The following CDH13 variants were observed in gnomAD, a reference collection of about 807,000 sequenced individuals.
CDH13 encodes the protein cadherin 13.
A neutral mutation model predicts 63.8 loss-of-function variants in CDH13; 24 were observed. That is an observed-to-expected ratio of 0.38 (90% CI 0.27 to 0.53). The LOEUF (loss-of-function observed/expected upper bound fraction) is 0.53. Ranked by LOEUF, CDH13 falls within the 20% of genes least tolerant of loss-of-function variation. The pLI, the probability that CDH13 is intolerant of heterozygous loss-of-function variation, is 0.85. For missense variants in CDH13, 1,049 were observed against 903.1 expected (o/e 1.16, Z -2.07); for synonymous variants, 503 against 355.3 (o/e 1.42, Z -4.67).
intron 4 of CDH13, among the ~76,000 whole-genome samples, chr16:83,171,214 C>T (rs2037902676): frequency 6.6e-6 from 1 of 151,984 alleles, no homozygotes; most frequent in South Asian, 2.1e-4. Flanking sequence ...CAGAACATGG[C>T]AGAAAAGGGG....
At chr16:82,650,913 G>A (rs932739515) in intron 1 of CDH13, among the ~76,000 whole-genome samples, 1 of 152,230 alleles carries the variant, frequency 6.6e-6, no homozygotes, top group Non-Finnish European at 1.5e-5. Context: ...ACAATAAACA[G>A]GAGAGACAGG....
intron 6 of CDH13, among the ~76,000 whole-genome samples, chr16:83,351,370 C>G (rs1478444059): frequency 6.6e-6 from 1 of 150,648 alleles, no homozygotes; most frequent in Non-Finnish European, 1.5e-5. Flanking sequence ...AATGCAGTCA[C>G]TCTCCAGTGC....
At chr16:83,444,195 AATG>A (rs1040524692) in intron 6 of CDH13, among the ~76,000 whole-genome samples, 2 of 152,026 alleles carry the variant, frequency 1.3e-5, no homozygotes, top group African/African-American at 4.8e-5. Flanking sequence ...CAGTGATGAC[AATG>A]ATGATGATGA....
chr16:82,708,443 C>G (rs1164782420), intron 1 of CDH13, among the ~76,000 whole-genome samples: 1 of 152,198 alleles, frequency 6.6e-6, no homozygotes, highest in Non-Finnish European at 1.5e-5. Flanking sequence ...TCGTGCTTCT[C>G]TAGCTCTCAC....
At chr16:83,212,400 T>G (rs973664693) in intron 4 of CDH13, among the ~76,000 whole-genome samples, 1 of 152,124 alleles carries the variant, frequency 6.6e-6, no homozygotes, top group African/African-American at 2.4e-5. Flanking sequence ...CACTGAGCTT[T>G]CCCCTGAAGA....
chr16:82,871,516 A>T (rs1371505558), intron 2 of CDH13, among the ~76,000 whole-genome samples: 7 of 152,174 alleles, frequency 4.6e-5, no homozygotes. Context: ...GGTTTTCCGA[A>T]AGAGAAGCAG....
chr16:83,609,852 C>T (rs1908692884), intron 8 of CDH13, among the ~76,000 whole-genome samples: 1 of 152,116 alleles, frequency 6.6e-6, no homozygotes, highest in South Asian at 2.1e-4. Flanking sequence ...AAAAAGAAAC[C>T]CGAACCCATG....
At chr16:83,424,882 C>A (rs768508422) in intron 6 of CDH13, among the ~76,000 whole-genome samples, 3 of 152,164 alleles carry the variant, frequency 2.0e-5, no homozygotes, top group Non-Finnish European at 2.9e-5. Flanking sequence ...TACACTCACA[C>A]AGACAAAGAT....
chr16:82,871,257 T>C (rs1006568501), intron 2 of CDH13, among the ~76,000 whole-genome samples: 2 of 152,148 alleles, frequency 1.3e-5, no homozygotes, highest in African/African-American at 4.8e-5. Flanking sequence ...AAGGGAACCA[T>C]GTGGTCAGAC....
chr16:83,053,262 A>G (rs1017033372), intron 3 of CDH13, among the ~76,000 whole-genome samples: 2 of 152,306 alleles, frequency 1.3e-5, no homozygotes, highest in South Asian at 2.1e-4. Flanking sequence ...GTAACTTAAT[A>G]TAGGAGTTAA....
At chr16:83,223,103 G>C (rs1001715984) in intron 5 of CDH13, among the ~76,000 whole-genome samples, 2 of 152,004 alleles carry the variant, frequency 1.3e-5, no homozygotes, top group African/African-American at 4.8e-5. Flanking sequence ...AAGTGTCATA[G>C]TCCATTTTGT....
At chr16:83,230,967 C>G (rs938034327) in intron 5 of CDH13, among the ~76,000 whole-genome samples, 7 of 152,204 alleles carry the variant, frequency 4.6e-5, no homozygotes, top group African/African-American at 1.4e-4. Context: ...CCTCGAAATA[C>G]CATTTCCATT....
At chr16:82,961,487 C>CT (rs1256345132) in intron 2 of CDH13, among the ~76,000 whole-genome samples, 2 of 150,738 alleles carry the variant, frequency 1.3e-5, no homozygotes, top group African/African-American at 4.9e-5. Flanking sequence ...AATGAACTTC[C>CT]TGCAATTGAA....
At chr16:83,673,304 G>C (rs1914676487) in intron 9 of CDH13, among the ~76,000 whole-genome samples, 2 of 152,180 alleles carry the variant, frequency 1.3e-5, no homozygotes, top group Admixed American at 1.3e-4. Context: ...GAAATCTCTT[G>C]CCAACATGGA....
intron 6 of CDH13, among the ~76,000 whole-genome samples, chr16:83,348,187 C>G (rs753529976): frequency 1.3e-5 from 2 of 152,110 alleles, no homozygotes; most frequent in Non-Finnish European, 2.9e-5. Flanking sequence ...AAGACTCCAT[C>G]TAGGAAAAAA....
intron 5 of CDH13, among the ~76,000 whole-genome samples, chr16:83,281,223 C>G (rs1052324960): frequency 7.2e-5 from 11 of 152,356 alleles, no homozygotes; most frequent in African/African-American, 2.2e-4. Context: ...GCTGCAGCTT[C>G]TATATCAGCA....
intron 2 of CDH13, among the ~76,000 whole-genome samples, chr16:82,860,891 C>T (rs1463426887): frequency 6.6e-6 from 1 of 152,274 alleles, no homozygotes; most frequent in South Asian, 2.1e-4. Context: ...TTATACCTAA[C>T]CAACCAATAT....
intron 3 of CDH13, among the ~76,000 whole-genome samples, chr16:83,077,603 A>G (rs2032940336): frequency 6.6e-6 from 1 of 151,768 alleles, no homozygotes; most frequent in Non-Finnish European, 1.5e-5. Flanking sequence ...TTTATTATCT[A>G]CTCTCCTATT....
chr16:83,091,991 G>C (rs1350513130), intron 3 of CDH13, among the ~76,000 whole-genome samples: 1 of 152,130 alleles, frequency 6.6e-6, no homozygotes, highest in Non-Finnish European at 1.5e-5. Flanking sequence ...ATTTTTTTCT[G>C]TGCATACCAG....
Sources: allele counts gnomAD v4.1 joint callset (sites outside exome capture counted in the v4.1 genomes callset), GRCh38; gene constraint gnomAD v4.1.1; transcripts MANE v1.5; gene names NCBI Gene and HGNC (gene_info 2026-07-23, HGNC 2026-07-21).